Variants in SCMH1 observed in about 807,000 individuals in gnomAD.
SCMH1 encodes the protein Scm polycomb group protein homolog 1.
Under a neutral mutation model 70.8 loss-of-function variants are expected in SCMH1, and 37 were observed. That is an observed-to-expected ratio of 0.52 (90% CI 0.40 to 0.69). SCMH1 has a LOEUF of 0.69. Among genes scored for constraint, SCMH1 ranks in the 30% least tolerant of loss-of-function variants. The pLI is 0.00. For synonymous variants in SCMH1, 292 were observed against 307.4 expected, an observed-to-expected ratio of 0.95 and a Z score of 0.52; for missense variants, 607 against 827.3, an observed-to-expected ratio of 0.73 and a Z score of 3.27.
At chr1:41,137,478 G>A (rs1198051895) in intron 6 of SCMH1, among the ~76,000 whole-genome samples, 1 of 152,084 alleles carries the variant, frequency 6.6e-6, no homozygotes, top group East Asian at 1.9e-4. Context: ...CGATCTACCT[G>A]ATTTCTTAAA....
chr1:41,225,731 T>C (rs1245932835), intron 1 of SCMH1, among the ~76,000 whole-genome samples: 1 of 152,204 alleles, frequency 6.6e-6, no homozygotes, highest in Admixed American at 6.5e-5. Context: ...GCTTGTATGA[T>C]GGCCTATAGA....
intron 12 of SCMH1, among the ~76,000 whole-genome samples, chr1:41,041,863 A>G (rs1445413710): frequency 6.6e-6 from 1 of 152,174 alleles, no homozygotes; most frequent in Non-Finnish European, 1.5e-5. Context: ...AAAACAGCAG[A>G]CTCAGAGTTT....
intron 1 of SCMH1, among the ~76,000 whole-genome samples, chr1:41,188,486 G>A (rs374581511): frequency 3.9e-5 from 6 of 152,258 alleles, no homozygotes; most frequent in South Asian, 2.1e-4. Context: ...TGTAGCTAGT[G>A]CAAACTGAGT....
At chr1:41,164,343 CTA>C (rs1005930489) in intron 2 of SCMH1, among the ~76,000 whole-genome samples, 6 of 151,984 alleles carry the variant, frequency 3.9e-5, no homozygotes, top group African/African-American at 1.5e-4. Flanking sequence ...CATTTCTACA[CTA>C]TGTTTACTTT....
chr1:41,157,025 T>C (rs1407465960), intron 4 of SCMH1, among the ~76,000 whole-genome samples: 2 of 148,274 alleles, frequency 1.3e-5, no homozygotes, highest in Admixed American at 6.8e-5. Flanking sequence ...GGCACAATCA[T>C]ATCTCACTGT....
chr1:41,110,420 CAAAAG>C (rs1257208446), intron 8 of SCMH1, among the ~76,000 whole-genome samples: 4 of 152,198 alleles, frequency 2.6e-5, no homozygotes, highest in Non-Finnish European at 5.9e-5. Context: ...TCATTATCCT[CAAAAG>C]AAACCCCAAT....
intron 7 of SCMH1, among the ~76,000 whole-genome samples, chr1:41,115,861 A>AT (rs1670337183): frequency 6.6e-6 from 1 of 151,916 alleles, no homozygotes; most frequent in Non-Finnish European, 1.5e-5. Context: ...TACTTTCAAC[A>AT]TTTTTGTCAT....
intron 10 of SCMH1, among the ~76,000 whole-genome samples, chr1:41,066,435 G>C (rs919191548): frequency 6.6e-6 from 1 of 152,094 alleles, no homozygotes; most frequent in African/African-American, 2.4e-5. Context: ...CTTGCTTTCT[G>C]TGTTTCCTGT....
chr1:41,043,735 A>G (rs1646538639), intron 12 of SCMH1: 1 of 151,872 alleles, frequency 6.6e-6, no homozygotes, highest in African/African-American at 2.4e-5. Flanking sequence ...GCCTGGCCTC[A>G]TTAGTTTTTA....
chr1:41,124,113 T>C (rs1449535278), intron 6 of SCMH1, among the ~76,000 whole-genome samples: 2 of 152,116 alleles, frequency 1.3e-5, no homozygotes, highest in African/African-American at 4.8e-5. Context: ...TAGCAAAAAC[T>C]ATATAATGAA....
chr1:41,030,067 A>C (rs1644303274), intron 13 of SCMH1, among the ~76,000 whole-genome samples: 1 of 152,120 alleles, frequency 6.6e-6, no homozygotes, highest in African/African-American at 2.4e-5. Context: ...ATTTTTAAAA[A>C]TTAGCTGGTA....
At chr1:41,110,035 C>T (rs930490616) in intron 8 of SCMH1, among the ~76,000 whole-genome samples, 6 of 152,196 alleles carry the variant, frequency 3.9e-5, no homozygotes. Flanking sequence ...TTCCAAGGTA[C>T]CTCGCTTCTT....
intron 4 of SCMH1, among the ~76,000 whole-genome samples, chr1:41,158,183 T>C (rs16827964): frequency 0.02 from 3,099 of 152,296 alleles, 104 homozygotes; most frequent in African/African-American, 0.071. Context: ...CTCAGAGCCA[T>C]TCCCCATCCA....
intron 10 of SCMH1, among the ~76,000 whole-genome samples, chr1:41,051,870 G>GT (rs1371245445): frequency 6.6e-6 from 1 of 152,084 alleles, no homozygotes; most frequent in African/African-American, 2.4e-5. Flanking sequence ...AGTGTACAGT[G>GT]TTTATAAAGT....
intron 10 of SCMH1, among the ~76,000 whole-genome samples, chr1:41,070,037 T>C (rs899744048): frequency 6.6e-6 from 1 of 152,218 alleles, no homozygotes; most frequent in Admixed American, 6.5e-5. Context: ...TTTTTCTTTA[T>C]AGTTACCCCC....
At chr1:41,089,650 G>A (rs1198785288) in intron 8 of SCMH1, among the ~76,000 whole-genome samples, 1 of 151,978 alleles carries the variant, frequency 6.6e-6, no homozygotes, top group East Asian at 1.9e-4. Flanking sequence ...ACCTTCAATA[G>A]CTTCCCCTTT....
intron 10 of SCMH1, among the ~76,000 whole-genome samples, chr1:41,056,383 G>A (rs1558501764): frequency 1.3e-5 from 2 of 151,864 alleles, no homozygotes; most frequent in Non-Finnish European, 2.9e-5. Flanking sequence ...TTCCTTTATA[G>A]TTTATGCTTA....
intron 6 of SCMH1, among the ~76,000 whole-genome samples, chr1:41,137,315 T>C (rs1643504163): frequency 6.6e-6 from 1 of 152,212 alleles, no homozygotes; most frequent in Admixed American, 6.5e-5. Flanking sequence ...ATGATGTTTA[T>C]TATCATCGTG....
chr1:41,107,533 T>C lies in SCMH1; in HGVS notation c.745+5750A>G, dbSNP rs1668252603. 3.3e-5 allele frequency among the ~76,000 whole-genome samples: 5 copies of C among 152,034 alleles called. No individual in the cohort carries two copies. In the South Asian group the frequency reaches 8.3e-4, roughly 25 times the overall value. The stretch of plus-strand genomic sequence containing the variant: ...TAGTCTAGGATTACATTTTTTTTTC[T>C]TTCTTGAGACAGAGTCTTGCTCTGT... On this transcript the variant is annotated intron_variant, in intron 8 of 14. Transcript: ENST00000337495.
Sources: gnomAD v4.1 joint callset for allele counts (sites outside exome capture counted in the v4.1 genomes callset) on GRCh38, gnomAD v4.1.1 for gene constraint, MANE v1.5 for transcripts, NCBI Gene and HGNC (gene_info 2026-07-23, HGNC 2026-07-21) for gene names.